The following EZR variants were observed in gnomAD, a reference collection of about 807,000 sequenced individuals.
EZR encodes the protein cytovillin 2.
In EZR, 40 loss-of-function variants were observed where a neutral mutation model predicts 74.8. The observed-to-expected ratio is 0.53, with a 90% CI of 0.42 to 0.70. EZR has a LOEUF of 0.70. EZR is among the 30% of genes least tolerant of loss of function. The pLI, the probability that EZR is intolerant of heterozygous loss-of-function variation, is 0.00. For synonymous variants in EZR, 341 were observed against 283.3 expected, an observed-to-expected ratio of 1.20 and a Z score of -2.05; for missense variants, 678 against 755.8, an observed-to-expected ratio of 0.90 and a Z score of 1.21.
rs766785748 is a variant in EZR at position 158,769,304 on chromosome 6, G to A, written c.1344+22C>T. On this transcript the variant is annotated intron_variant, in intron 12 of 13. Transcript: ENST00000367075. ...GCAACAGGTGCTGTGGCCGTGCGGAGGTGTCCCCCGTGCAGACTCACCCTG... is the reference window on the plus strand; with the variant it reads ...GCAACAGGTGCTGTGGCCGTGCGGAAGTGTCCCCCGTGCAGACTCACCCTG... 1.9e-6 allele frequency: 3 copies of A among 1,603,200 alleles called. No homozygotes were observed. The East Asian group carries it at 6.7e-5, about 36-fold the overall frequency.
chr6:158,782,683 C>T (rs1456409108), intron 7 of EZR, among the ~76,000 whole-genome samples: 1 of 152,226 alleles, frequency 6.6e-6, no homozygotes, highest in East Asian at 1.9e-4. Context: ...GCAGAGCAAT[C>T]AGGCTGACTG....
chr6:158,770,455 G>C (rs941682617), intron 10 of EZR, among the ~76,000 whole-genome samples: 12 of 152,334 alleles, frequency 7.9e-5, no homozygotes, highest in Admixed American at 4.6e-4. Flanking sequence ...TGGGCTGGGG[G>C]ACTGTGGGCA....
intron 8 of EZR, among the ~76,000 whole-genome samples, chr6:158,775,861 A>G (rs1791262376): frequency 6.6e-6 from 1 of 152,362 alleles, no homozygotes; most frequent in African/African-American, 2.4e-5. Flanking sequence ...TTCAGGACAT[A>G]AAGTGTCGCC....
In EZR at chr6:158,780,520, G is replaced by A. The variant is rs573978178; in HGVS notation, c.698+3000C>T. 3.9e-5 allele frequency among the ~76,000 whole-genome samples: 6 copies of A among 152,222 alleles called. No individual in the cohort carries two copies. In the South Asian group the frequency reaches 6.2e-4, roughly 16 times the overall value. ...CAAGCGAAGCCCTGAGTACCTATCCGCAAGGAATTTAAAGAAGAGACATGT... is the reference window on the plus strand; with the variant it reads ...CAAGCGAAGCCCTGAGTACCTATCCACAAGGAATTTAAAGAAGAGACATGT... On this transcript the variant is annotated intron_variant, in intron 7 of 13. Coordinates refer to ENST00000367075, the MANE Select transcript of EZR (RefSeq NM_001111077.2).
intron 2 of EZR, among the ~76,000 whole-genome samples, chr6:158,798,572 C>T (rs901367): frequency 0.55 from 83,524 of 150,508 alleles, 24,195 homozygotes; most frequent in Non-Finnish European, 0.65. Flanking sequence ...TGGCTCAGCT[C>T]TGCTTCAGAG....
chr6:158,809,576 CTCAGAGTCCATGA>C (rs1682093960), intron 2 of EZR, among the ~76,000 whole-genome samples: 1 of 152,216 alleles, frequency 6.6e-6, no homozygotes, highest in African/African-American at 2.4e-5. Context: ...TGAGTCCATG[CTCAGAGTCCATGA>C]TGTGCTCAAC....
chr6:158,798,713 C>T (rs1777128669), intron 2 of EZR, among the ~76,000 whole-genome samples: 1 of 149,962 alleles, frequency 6.7e-6, no homozygotes, highest in Admixed American at 6.7e-5. Flanking sequence ...CTCACTGCAA[C>T]CTCTGCCTCC....
At chr6:158,806,454 TTC>T (rs937395339) in intron 2 of EZR, among the ~76,000 whole-genome samples, 5 of 151,638 alleles carry the variant, frequency 3.3e-5, no homozygotes, top group Non-Finnish European at 5.9e-5. Context: ...TTCAACACCA[TTC>T]TTTCTTCTAC....
At position 158,785,325 on chromosome 6, in the gene EZR, G is replaced by T; in HGVS notation, c.451C>A (p.Arg151=). 1 of 1,613,998 alleles carries T rather than the reference G, an allele frequency of 6.2e-7. No homozygotes were observed. Among genetic ancestry groups the T allele is most frequent in the African/African-American group, 1.3e-5 (1 of 75,044 alleles). The change falls in exon 5 of 14, where the codon CGG becomes AGG. Residue 151 remains arginine, a synonymous_variant. Transcript: ENST00000367075. ...TGTGCTCACCTTTGAGGGATCAGCC[G>T]CTCAGAGCTGAGGTACCCAGACTTG... ...VHKSGYLSSE[R]LIPQRVMDQH...
At chr6:158,795,419 C>T (rs542288134) in intron 2 of EZR, among the ~76,000 whole-genome samples, 19 of 123,944 alleles carry the variant, frequency 1.5e-4, no homozygotes, top group African/African-American at 3.3e-4. Flanking sequence ...CTTTTAAAAA[C>T]GTAAAAAAAA....
chr6:158,804,409 G>T (rs1348732318), intron 2 of EZR, among the ~76,000 whole-genome samples: 1 of 152,172 alleles, frequency 6.6e-6, no homozygotes. Flanking sequence ...CCTTGAACAA[G>T]AATTTATCTA....
intron 3 of EZR, chr6:158,788,180 G>C (rs901369): frequency 1.3e-5 from 2 of 152,260 alleles, no homozygotes; most frequent in South Asian, 4.1e-4. Context: ...GGTATACAGA[G>C]CATTTGCTTA....
chr6:158,801,791 C>A (rs1777193115), intron 2 of EZR, among the ~76,000 whole-genome samples: 2 of 152,174 alleles, frequency 1.3e-5, no homozygotes, highest in South Asian at 4.1e-4. Context: ...TCTAGCTTTC[C>A]TAGGAATCAT....
At chr6:158,805,081 G>C (rs544958907) in intron 2 of EZR, among the ~76,000 whole-genome samples, 10 of 152,178 alleles carry the variant, frequency 6.6e-5, no homozygotes, top group Admixed American at 5.9e-4. Context: ...TTGGGAGTGA[G>C]AAGGTGAGTC....
chr6:158,798,664 C>A (rs1777127008), intron 2 of EZR, among the ~76,000 whole-genome samples: 1 of 147,312 alleles, frequency 6.8e-6, no homozygotes, highest in South Asian at 2.1e-4. Context: ...GGGTCTCTCG[C>A]TCTGTTGCCC....
intron 3 of EZR, among the ~76,000 whole-genome samples, chr6:158,788,144 T>A (rs1472042430): frequency 6.6e-6 from 1 of 152,192 alleles, no homozygotes; most frequent in Admixed American, 6.5e-5. Flanking sequence ...CCAAAGAGGG[T>A]TGAATACATT....
Position 158,767,503 on chromosome 6 carries a change from C to T in EZR, c.1354G>A (p.Ala452Thr), listed in dbSNP as rs745695551. 1.9e-6 allele frequency: 3 copies of T among 1,578,870 alleles called. No individual in the cohort carries two copies. Among genetic ancestry groups the T allele is most frequent in the Non-Finnish European group, 8.6e-7 (1 of 1,161,632 alleles). Residue 452 changes from alanine (A) to threonine (T), a missense_variant, in exon 13 of 14, where the codon GCC becomes ACC. Transcript: ENST00000367075. Reference sequence around the variant, plus strand: ...TTGGTCTTCACCAGGTCATCCTGGGCTTCTTTGGCCTTTGGAAAGCAAATT... The same window carrying T: ...TTGGTCTTCACCAGGTCATCCTGGGTTTCTTTGGCCTTTGGAAAGCAAATT... ...VEEWQHRAKE[A>T]QDDLVKTKEE...
intron 7 of EZR, among the ~76,000 whole-genome samples, chr6:158,782,465 G>A (rs1247915732): frequency 1.3e-5 from 2 of 152,188 alleles, no homozygotes; most frequent in Admixed American, 1.3e-4. Context: ...AATGGGGAGA[G>A]CTGTCATTTC....
At chr6:158,768,943 C>T (rs1301624636) in intron 12 of EZR, among the ~76,000 whole-genome samples, 1 of 152,164 alleles carries the variant, frequency 6.6e-6, no homozygotes, top group Non-Finnish European at 1.5e-5. Flanking sequence ...GGTCGTGTTT[C>T]AGGCACTGCG....
Sources: allele counts gnomAD v4.1 joint callset (sites outside exome capture counted in the v4.1 genomes callset), GRCh38; gene constraint gnomAD v4.1.1; transcripts MANE v1.5; gene names NCBI Gene and HGNC (gene_info 2026-07-23, HGNC 2026-07-21).